Variants in PRDM16 observed in about 807,000 individuals in gnomAD.
PRDM16 encodes the protein PR/SET domain 16.
In PRDM16, 23 loss-of-function variants were observed where a neutral mutation model predicts 110.6. The ratio of observed to expected loss-of-function variants is 0.21; its 90% CI spans 0.15 to 0.29. The LOEUF is 0.29. Among genes scored for constraint, PRDM16 ranks in the 10% least tolerant of loss-of-function variants. The pLI is 1.00. For missense variants in PRDM16, 1,615 were observed against 1,794.3 expected, an observed-to-expected ratio of 0.90 and a Z score of 1.81; for synonymous variants, 799 against 781.8, an observed-to-expected ratio of 1.02 and a Z score of -0.37.
intron 3 of PRDM16, among the ~76,000 whole-genome samples, chr1:3,322,498 C>T (rs1641783314): frequency 6.6e-6 from 1 of 152,132 alleles, no homozygotes; most frequent in South Asian, 2.1e-4. Flanking sequence ...GGCTCTCACT[C>T]TCCCTAAGAC....
At chr1:3,229,601 G>A (rs1455061157) in intron 2 of PRDM16, among the ~76,000 whole-genome samples, 10 of 152,282 alleles carry the variant, frequency 6.6e-5, no homozygotes, top group South Asian at 4.1e-4. Flanking sequence ...TGGCAGAATC[G>A]GATCGGATCC....
At chr1:3,132,210 G>A (rs546739621) in intron 1 of PRDM16, among the ~76,000 whole-genome samples, 3 of 152,282 alleles carry the variant, frequency 2.0e-5, no homozygotes, top group East Asian at 3.9e-4. Flanking sequence ...GTTACACGGC[G>A]GTGCCACGGA....
chr1:3,332,624 C>A (rs930547092), intron 3 of PRDM16, among the ~76,000 whole-genome samples: 1 of 152,074 alleles, frequency 6.6e-6, no homozygotes, highest in Non-Finnish European at 1.5e-5. Flanking sequence ...GCGTGTCATT[C>A]GGTGACATTT....
At chr1:3,362,186 C>T (rs545574598) in intron 3 of PRDM16, among the ~76,000 whole-genome samples, 1 of 152,260 alleles carries the variant, frequency 6.6e-6, no homozygotes, top group Non-Finnish European at 1.5e-5. Flanking sequence ...CTGCCTTTGT[C>T]TTCATTCTAG....
chr1:3,108,484 GT>G (rs1642715708), intron 1 of PRDM16, among the ~76,000 whole-genome samples: 1 of 152,208 alleles, frequency 6.6e-6, no homozygotes, highest in African/African-American at 2.4e-5. Flanking sequence ...CCCAGTGAGG[GT>G]CTGTCTCTCA....
At chr1:3,151,796 C>T (rs1164617837) in intron 1 of PRDM16, among the ~76,000 whole-genome samples, 3 of 152,182 alleles carry the variant, frequency 2.0e-5, no homozygotes, top group African/African-American at 4.8e-5. Flanking sequence ...AACTGTGGGC[C>T]GGCAGGGTCA....
chr1:3,365,383 C>A (rs942208680), intron 3 of PRDM16, among the ~76,000 whole-genome samples: 2 of 152,188 alleles, frequency 1.3e-5, no homozygotes, highest in African/African-American at 4.8e-5. Flanking sequence ...AGGAAAGGCG[C>A]GTGTGGCTGG....
chr1:3,196,238 G>A (rs1213480437), intron 2 of PRDM16, among the ~76,000 whole-genome samples: 10 of 152,212 alleles, frequency 6.6e-5, no homozygotes, highest in East Asian at 3.9e-4. Flanking sequence ...TCAACTCTGC[G>A]CCTTGCAGGC....
intron 4 of PRDM16, among the ~76,000 whole-genome samples, chr1:3,395,235 G>T (rs1643367920): frequency 6.6e-6 from 1 of 152,018 alleles, no homozygotes. Context: ...TCTCGGGGGT[G>T]CCCAGCTGTG....
rs539148747 is a variant in PRDM16 at position 3,239,203 on chromosome 1, G to A, written c.388-4884G>A. Among the ~76,000 whole-genome samples the A allele has an allele frequency of 4.6e-5, 7 of 152,368 alleles. No homozygotes were observed. The East Asian group carries it at 9.7e-4, about 21-fold the overall frequency. ...AGAAAGGGAGGATGTGTGGGTGGCC[G>A]TGGACATTCCTCTCCGAGAGTGAGA... On this transcript the variant is annotated intron_variant, in intron 2 of 16. Transcript: ENST00000270722.
intron 1 of PRDM16, among the ~76,000 whole-genome samples, chr1:3,093,716 C>T (rs1482660887): frequency 2.0e-5 from 3 of 152,152 alleles, no homozygotes; most frequent in Admixed American, 6.5e-5. Flanking sequence ...GGGAGGGACC[C>T]CTGCAGCGGA....
At chr1:3,333,116 G>A (rs1393669634) in intron 3 of PRDM16, among the ~76,000 whole-genome samples, 1 of 152,198 alleles carries the variant, frequency 6.6e-6, no homozygotes, top group Admixed American at 6.5e-5. Context: ...GGGATTGCAG[G>A]TCACACGGCC....
chr1:3,114,183 A>ATGCG (rs1557455878), intron 1 of PRDM16, among the ~76,000 whole-genome samples: 3 of 113,904 alleles, frequency 2.6e-5, no homozygotes, highest in Admixed American at 8.9e-5. Flanking sequence ...ACGCACACAC[A>ATGCG]CGCACACACG....
chr1:3,302,374 A>G (rs1231825518), intron 3 of PRDM16, among the ~76,000 whole-genome samples: 1 of 152,180 alleles, frequency 6.6e-6, no homozygotes, highest in African/African-American at 2.4e-5. Context: ...TTTAATTTAC[A>G]AGTACTTTGT....
Position 3,246,735 on chromosome 1 carries a change from G to T in PRDM16, c.438+2598G>T, listed in dbSNP as rs1457336011. On this transcript the variant is annotated intron_variant, in intron 3 of 16. Coordinates refer to ENST00000270722, the MANE Select transcript of PRDM16 (RefSeq NM_022114.4). This position sits in a 1 kb window ranked among gnomAD's most constrained non-coding sequence, Gnocchi z 5.2. Reference sequence around the variant, plus strand: ...TCGAGTGTTTGCCAAGGCCATGCTGGTGGGAGAATCAGATCCCTAACCCCA... The same window carrying T: ...TCGAGTGTTTGCCAAGGCCATGCTGTTGGGAGAATCAGATCCCTAACCCCA... Among the ~76,000 whole-genome samples the T allele has an allele frequency of 3.9e-5, 6 of 152,282 alleles. No individual in the cohort carries two copies. The East Asian group carries it at 1.2e-3, about 29-fold the overall frequency.
At position 3,405,148 on chromosome 1, in the gene PRDM16, G is replaced by T. The variant is rs187563438; in HGVS notation, c.1032+262G>T. 2.6e-5 allele frequency among the ~76,000 whole-genome samples: 4 copies of T among 152,294 alleles called. No homozygotes were observed. In the East Asian group the frequency reaches 7.7e-4, roughly 29 times the overall value. On this transcript the variant is annotated intron_variant, in intron 7 of 16. Coordinates refer to ENST00000270722, the MANE Select transcript of PRDM16 (RefSeq NM_022114.4). ...TCCAGAGCGCGGCTCCTGTCCTCCC[G>T]CCGGTGTGGAAGGAAGAGGCTGGCG...
intron 1 of PRDM16, among the ~76,000 whole-genome samples, chr1:3,088,500 C>G (rs1642200995): frequency 6.6e-6 from 1 of 150,468 alleles, no homozygotes; most frequent in African/African-American, 2.4e-5. Flanking sequence ...GAGTCTCGCT[C>G]TGTCACTCAG....
rs865833149 is a variant in PRDM16 at position 3,434,746 on chromosome 1, C to T, written c.*935C>T. On this transcript the variant is annotated 3_prime_UTR_variant, in exon 17 of 17. Coordinates refer to ENST00000270722, the MANE Select transcript of PRDM16 (RefSeq NM_022114.4). ...AAGTCGAGGGCCTGTGGCTTGGATC[C>T]GCCATGCAGAGATGTGGCCGGGCAC... is the stretch of plus-strand genomic sequence containing the variant. The T allele has an allele frequency of 9.5e-5, 22 of 232,556 alleles. No homozygotes were observed. Among genetic ancestry groups the T allele is most frequent in the Admixed American group, 2.8e-4 (5 of 17,778 alleles). 14.4% of individuals were successfully genotyped at this position (232,556 alleles called of 1,614,324 possible).
Position 3,417,837 on chromosome 1 carries a change from A to G in PRDM16, c.2701A>G (p.Ile901Val). ...ACTCTTATGCCTACAGATGTCAGCCATAGAGACCATGACAGAGAAGCTGGA... is the reference window on the plus strand; with the variant it reads ...ACTCTTATGCCTACAGATGTCAGCCGTAGAGACCATGACAGAGAAGCTGGA... ...PLLFHPQMSA[I>V]ETMTEKLESF... is the part of the protein sequence containing the mutation. Residue 901 changes from isoleucine (I) to valine (V), a missense_variant, in exon 11 of 17, where the codon ATA becomes GTA. Ile to Val is a conservative substitution (Grantham distance 29). Around this residue, in one of 5 missense-constraint regions of PRDM16, gnomAD observed 772 missense variants for 748.3 expected, o/e 1.03. Transcript: ENST00000270722. The G allele has an allele frequency of 2.5e-6, 4 of 1,613,822 alleles. No homozygotes were observed. The highest frequency in any genetic ancestry group is 3.4e-6 in the Non-Finnish European group (4 of 1,179,932).
Sources: allele counts gnomAD v4.1 joint callset (sites outside exome capture counted in the v4.1 genomes callset), GRCh38; gene constraint gnomAD v4.1.1; regional missense constraint gnomAD v4.1.1; non-coding constraint Gnocchi (gnomAD v3.1); transcripts MANE v1.5; gene names NCBI Gene and HGNC (gene_info 2026-07-23, HGNC 2026-07-21).